PDE8B: variants seen among roughly 807,000 people sequenced by gnomAD.
The protein encoded by PDE8B is high affinity cAMP-specific and IBMX-insensitive 3',5'-cyclic phosphodiesterase 8B.
A neutral mutation model predicts 101.3 loss-of-function variants in PDE8B; 26 were observed. The ratio of observed to expected loss-of-function variants is 0.26; its 90% CI spans 0.19 to 0.36. The LOEUF is 0.36. Among genes scored for constraint, PDE8B ranks in the 10% least tolerant of loss-of-function variants. The pLI, the probability that PDE8B is intolerant of heterozygous loss-of-function variation, is 1.00. For synonymous variants in PDE8B, 424 were observed against 429.3 expected (o/e 0.99, Z 0.15); for missense variants, 810 against 1,163.1 (o/e 0.70, Z 4.42).
the PDE8B span, among the ~76,000 whole-genome samples, chr5:77,169,850 A>G: frequency 6.6e-6 from 1 of 152,184 alleles, no homozygotes; most frequent in Non-Finnish European, 1.5e-5. Flanking sequence ...CCCTGTGGAT[A>G]GTGTGAGTGC....
rs773683407 is a variant in PDE8B, at chr5:77,418,207, A to G, written c.1912-22A>G. Reference sequence around the variant, plus strand: ...TCCAAGATCCAGTGGGTAATGCTCAACCTTGCCTCCCCATATCCCAGGGAA... The same window carrying G: ...TCCAAGATCCAGTGGGTAATGCTCAGCCTTGCCTCCCCATATCCCAGGGAA... On this transcript the variant is annotated intron_variant, in intron 17 of 21. Transcript: ENST00000264917. 3.4e-5 allele frequency: 51 copies of G among 1,509,952 alleles called. 1 individual carries two copies. The South Asian group carries it at 5.4e-4, about 16-fold the overall frequency. 93.5% of individuals were successfully genotyped at this position (1,509,952 alleles called of 1,614,324 possible).
At chr5:77,375,980 C>T (rs1406559006) in intron 10 of PDE8B, among the ~76,000 whole-genome samples, 1 of 150,462 alleles carries the variant, frequency 6.6e-6, no homozygotes, top group Non-Finnish European at 1.5e-5. Context: ...GCAACCTCCG[C>T]CTCCCAGGTT....
intron 10 of PDE8B, among the ~76,000 whole-genome samples, chr5:77,378,160 A>G (rs1340795792): frequency 1.3e-5 from 2 of 152,026 alleles, no homozygotes; most frequent in African/African-American, 4.8e-5. Flanking sequence ...AGGTTTATAC[A>G]ACTAGAAATG....
At chr5:77,188,448 C>A in the PDE8B span, among the ~76,000 whole-genome samples, 1 of 152,150 alleles carries the variant, frequency 6.6e-6, no homozygotes, top group African/African-American at 2.4e-5. Context: ...AGTATTTTCA[C>A]AATCTGTCTT....
the PDE8B span, among the ~76,000 whole-genome samples, chr5:77,092,875 A>G: frequency 5.3e-5 from 8 of 152,298 alleles, no homozygotes; most frequent in Admixed American, 5.2e-4. Flanking sequence ...AGACCTGATC[A>G]CATACACCAA....
At chr5:77,208,577 A>T (rs1455045141), upstream of PDE8B, among the ~76,000 whole-genome samples, 1 of 152,176 alleles carries the variant, frequency 6.6e-6, no homozygotes, top group African/African-American at 2.4e-5. Flanking sequence ...CTGTCCCCAT[A>T]TCTCAGTCTC....
At chr5:77,398,769 A>C (rs1289844130) in intron 10 of PDE8B, among the ~76,000 whole-genome samples, 1 of 152,234 alleles carries the variant, frequency 6.6e-6, no homozygotes, top group Non-Finnish European at 1.5e-5. Flanking sequence ...ATTTGGGGTC[A>C]TCCCCACACT....
At chr5:77,238,493 G>T (rs1017462039) in intron 1 of PDE8B, among the ~76,000 whole-genome samples, 1 of 152,020 alleles carries the variant, frequency 6.6e-6, no homozygotes, top group Non-Finnish European at 1.5e-5. Context: ...TTGCTTATTG[G>T]AATTTTTTAT....
chr5:77,191,007 G>A, the PDE8B span, among the ~76,000 whole-genome samples: 1 of 152,194 alleles, frequency 6.6e-6, no homozygotes, highest in Admixed American at 6.5e-5. Context: ...AGATCAAGGT[G>A]CTGTCAGGGT....
chr5:77,099,716 A>T, the PDE8B span, among the ~76,000 whole-genome samples: 3 of 151,698 alleles, frequency 2.0e-5, no homozygotes, highest in Non-Finnish European at 4.4e-5. Flanking sequence ...GGTTCAAGCG[A>T]TTCCTGTCTC....
chr5:77,427,841 T>C lies in PDE8B; in HGVS notation c.*1287T>C, dbSNP rs962507240. Reference sequence around the variant, plus strand: ...TCCGTAAACAAACTTCATTTTTCTTTCTCTGTACTTCATGCTGCATTTTTA... The same window carrying C: ...TCCGTAAACAAACTTCATTTTTCTTCCTCTGTACTTCATGCTGCATTTTTA... On this transcript the variant is annotated 3_prime_UTR_variant, in exon 22 of 22. Coordinates refer to ENST00000264917, the MANE Select transcript of PDE8B (RefSeq NM_003719.5). 2.0e-5 allele frequency: 3 copies of C among 152,226 alleles called. No homozygotes were observed. The highest frequency in any genetic ancestry group is 4.4e-5 in the Non-Finnish European group (3 of 68,034). The allele number at this position is 152,226 out of a possible 1,614,324, so 9.4% of individuals were successfully genotyped here. A position where few individuals can be genotyped will look rare whatever the true frequency, so the allele number is the denominator to read the frequency against.
At chr5:77,255,366 G>A (rs760521348) in intron 1 of PDE8B, among the ~76,000 whole-genome samples, 2 of 152,202 alleles carry the variant, frequency 1.3e-5, no homozygotes, top group African/African-American at 2.4e-5. Flanking sequence ...CCACCAACGC[G>A]GCTGCACAGG....
chr5:77,108,013 T>G, the PDE8B span, among the ~76,000 whole-genome samples: 9 of 152,284 alleles, frequency 5.9e-5, no homozygotes, highest in South Asian at 2.1e-4. Flanking sequence ...CATTCCAGCT[T>G]CCTTCAGGGG....
At chr5:77,137,925 A>G in the PDE8B span, among the ~76,000 whole-genome samples, 1 of 152,182 alleles carries the variant, frequency 6.6e-6, no homozygotes, top group East Asian at 1.9e-4. Flanking sequence ...AAGCACAGAC[A>G]TGCTGCCCAC....
intron 10 of PDE8B, among the ~76,000 whole-genome samples, chr5:77,365,079 A>G (rs1783872306): frequency 1.3e-5 from 2 of 152,166 alleles, no homozygotes; most frequent in African/African-American, 4.8e-5. Context: ...ACATCTACCC[A>G]CTGGTGCTAG....
chr5:77,300,645 G>C (rs1314580752), intron 1 of PDE8B, among the ~76,000 whole-genome samples: 1 of 152,216 alleles, frequency 6.6e-6, no homozygotes, highest in East Asian at 1.9e-4. Context: ...GAGGGTCAAG[G>C]TGCAGTGGGG....
chr5:77,227,844 G>T (rs1485473192), intron 1 of PDE8B, among the ~76,000 whole-genome samples: 2 of 152,152 alleles, frequency 1.3e-5, no homozygotes, highest in African/African-American at 4.8e-5. Context: ...TGAGTAGGAT[G>T]GTTGCTTCCC....
chr5:77,304,613 T>C (rs1281162789), intron 1 of PDE8B, among the ~76,000 whole-genome samples: 1 of 152,230 alleles, frequency 6.6e-6, no homozygotes, highest in African/African-American at 2.4e-5. Context: ...TGTATGTTTA[T>C]GTGATAAAAC....
intron 1 of PDE8B, among the ~76,000 whole-genome samples, chr5:77,233,399 C>T (rs1443519874): frequency 6.6e-6 from 1 of 152,054 alleles, no homozygotes; most frequent in Non-Finnish European, 1.5e-5. Context: ...ACTTCCTTTT[C>T]GTGGTTAAAG....
Sources: gnomAD v4.1 joint callset for allele counts (sites outside exome capture counted in the v4.1 genomes callset) on GRCh38, gnomAD v4.1.1 for gene constraint, MANE v1.5 for transcripts, NCBI Gene and HGNC (gene_info 2026-07-23, HGNC 2026-07-21) for gene names.